Variants in LIPM observed in about 807,000 individuals in gnomAD.
LIPM encodes lipase family member M, also known as lipase member M.
In LIPM, 42 loss-of-function variants were observed where a neutral mutation model predicts 42.4. The observed-to-expected ratio is 0.99, with a 90% CI of 0.77 to 1.28. LIPM has a LOEUF of 1.28. Ranked by LOEUF, LIPM falls within the 50% of genes most tolerant of loss-of-function variation. The pLI, the probability that LIPM is intolerant of heterozygous loss-of-function variation, is 0.00. For synonymous variants in LIPM, 177 were observed against 173.3 expected (o/e 1.02, Z -0.17); for missense variants, 524 against 520.1 (o/e 1.01, Z -0.07).
At chr10:88,812,531 G>C (rs1174864142) in intron 2 of LIPM, among the ~76,000 whole-genome samples, 1 of 151,862 alleles carries the variant, frequency 6.6e-6, no homozygotes, top group Non-Finnish European at 1.5e-5. Context: ...TTATTTATTT[G>C]TTCATTTATT....
intron 2 of LIPM, 57 bp downstream of exon 2, chr10:88,808,472 C>A: frequency 2.0e-6 from 2 of 1,020,230 alleles, no homozygotes; most frequent in South Asian, 2.8e-5. Context: ...TCACGATTTC[C>A]TTGTGATTTG....
chr10:88,817,224 T>A (rs567290484), intron 7 of LIPM, among the ~76,000 whole-genome samples: 1 of 152,278 alleles, frequency 6.6e-6, no homozygotes, highest in African/African-American at 2.4e-5. Flanking sequence ...CCTCCAACAA[T>A]ACAGTCAAGT....
chr10:88,807,552 T>C (rs1843604336), intron 1 of LIPM, among the ~76,000 whole-genome samples: 1 of 152,216 alleles, frequency 6.6e-6, no homozygotes, highest in Non-Finnish European at 1.5e-5. Flanking sequence ...CTGTATAGAG[T>C]AAGGATTCTT....
chr10:88,815,287 A>C, intron 5 of LIPM, 63 bp downstream of exon 5: 1 of 1,547,504 alleles, frequency 6.5e-7, no homozygotes, highest in Non-Finnish European at 8.7e-7. Flanking sequence ...AATTTCCTAA[A>C]ACATAAACTT....
rs553322440 is a variant in LIPM, at chr10:88,813,395, G to C, written c.464+100G>C. 711 of 954,946 alleles carry C rather than the reference G, an allele frequency of 7.4e-4. 3 individuals are homozygous for C. The highest frequency in any genetic ancestry group is 1.8e-3 in the Middle Eastern group (6 of 3,274). 59.2% of individuals were successfully genotyped at this position (954,946 alleles called of 1,614,324 possible). On this transcript the variant is annotated intron_variant, in intron 3 of 8. Coordinates refer to ENST00000404743, the MANE Select transcript of LIPM (RefSeq NM_001128215.1). ...AGTATTTGGTTGATTTATTTTGGTT[G>C]AGTCATCATTATCTTAACATGATAT... is the stretch of plus-strand genomic sequence containing the variant.
Position 88,813,255 on chromosome 10 carries a change from A to G in LIPM, c.424A>G (p.Lys142Glu), listed in dbSNP as rs371268545. 44 of 1,612,090 alleles carry G rather than the reference A, an allele frequency of 2.7e-5. No homozygotes were observed. The African/African-American group carries it at 5.9e-4, about 22-fold the overall frequency. Reference protein sequence around the residue: ...SRGNAWSRKHKTLSIDQDEFW... With the variant: ...SRGNAWSRKHETLSIDQDEFW... ...GGGAAACGCCTGGTCTCGAAAACAC[A>G]AGACACTCTCCATAGACCAAGATGA... The change falls in exon 3 of 9, where the codon AAG (lysine) becomes GAG (glutamate). Residue 142 changes from lysine to glutamate, a missense_variant. Physicochemically the swap from Lys to Glu is moderately conservative, Grantham distance 56. Coordinates refer to ENST00000404743, the MANE Select transcript of LIPM (RefSeq NM_001128215.1).
intron 1 of LIPM, among the ~76,000 whole-genome samples, chr10:88,806,903 A>G (rs903875994): frequency 3.9e-5 from 6 of 151,932 alleles, no homozygotes; most frequent in African/African-American, 1.5e-4. Context: ...GTTGGCCAGG[A>G]TGGTCTCGAT....
At chr10:88,808,714 A>G (rs980114733) in intron 2 of LIPM, among the ~76,000 whole-genome samples, 1 of 152,138 alleles carries the variant, frequency 6.6e-6, no homozygotes, top group African/African-American at 2.4e-5. Context: ...TCCTATGTAG[A>G]CATTCTAAAA....
At chr10:88,809,743 G>T (rs2133053837) in intron 2 of LIPM, among the ~76,000 whole-genome samples, 1 of 152,286 alleles carries the variant, frequency 6.6e-6, no homozygotes, top group South Asian at 2.1e-4. Flanking sequence ...TTGGGGTTCT[G>T]TTTTACTCCA....
At chr10:88,818,082 T>A (rs922734948) in intron 8 of LIPM, among the ~76,000 whole-genome samples, 186 bp downstream of exon 8, 2 of 152,170 alleles carry the variant, frequency 1.3e-5, no homozygotes, top group African/African-American at 4.8e-5. Context: ...CCTCTCTGCT[T>A]TTACAATGGA....
intron 8 of LIPM, among the ~76,000 whole-genome samples, chr10:88,819,008 C>T (rs1292510244): frequency 6.6e-6 from 1 of 152,096 alleles, no homozygotes; most frequent in Non-Finnish European, 1.5e-5. Flanking sequence ...TTGCCTCAGC[C>T]TCCCGAGTAG....
chr10:88,820,356 T>C lies in LIPM; in HGVS notation c.1127T>C (p.Ile376Thr). The C allele has an allele frequency of 3.2e-6, 5 of 1,552,322 alleles. No homozygotes were observed. Among genetic ancestry groups the C allele is most frequent in the South Asian group, 1.2e-5 (1 of 84,054 alleles). ...KMLLSEVTNL[I>T]YHKNIPEWAH... ...CTGCTCTCTGAGGTGACCAACCTCA[T>C]CTACCATAAGAATATTCCTGAATGG... The change falls in exon 9 of 9, where the codon ATC (isoleucine) becomes ACC (threonine). Residue 376 changes from isoleucine (I) to threonine (T), a missense_variant. Coordinates refer to ENST00000404743, the MANE Select transcript of LIPM (RefSeq NM_001128215.1).
At position 88,813,185 on chromosome 10, in the gene LIPM, C is replaced by A. The variant is rs756596969; in HGVS notation, c.354C>A (p.Phe118Leu). 8 of 1,613,610 alleles carry A rather than the reference C, an allele frequency of 5.0e-6. No individual in the cohort carries two copies. The highest frequency in any genetic ancestry group is 6.8e-6 in the Non-Finnish European group (8 of 1,179,840). ...ISNLPNNSLGFILADAGFDVW... is the reference protein window; with the variant it reads ...ISNLPNNSLGLILADAGFDVW... ...ACCTGCCCAACAATAGCCTGGGCTT[C>A]ATTCTGGCAGATGCTGGTTTTGACG... Residue 118 changes from phenylalanine (F) to leucine (L), a missense_variant, in exon 3 of 9, where the codon TTC becomes TTA. Physicochemically the swap from Phe to Leu is conservative, Grantham distance 22 (BLOSUM62 0). Coordinates refer to ENST00000404743, the MANE Select transcript of LIPM (RefSeq NM_001128215.1).
chr10:88,806,643 C>G (rs4933486), intron 1 of LIPM, among the ~76,000 whole-genome samples: 1 of 151,834 alleles, frequency 6.6e-6, no homozygotes, highest in Non-Finnish European at 1.5e-5. Flanking sequence ...TTTAACAAAC[C>G]CTCTAAGTAA....
At position 88,810,532 on chromosome 10, in the gene LIPM, C is replaced by G. The variant is rs576013944; in HGVS notation, c.265+2117C>G. ...TATCAAAAAAAAAAAAAAAATTCAC[C>G]AACCAAGAAAGCCAGTGAAATTCTT... On this transcript the variant is annotated intron_variant, in intron 2 of 8. Transcript: ENST00000404743. Among the ~76,000 whole-genome samples the G allele has an allele frequency of 2.6e-5, 4 of 151,734 alleles. 1 individual carries two copies. The highest frequency in any genetic ancestry group is 9.7e-5 in the African/African-American group (4 of 41,320).
In LIPM at chr10:88,814,611, T is replaced by G; in HGVS notation, c.546T>G (p.Tyr182Ter). ...AAACGGGCCAGGAAAAGATCTATTA[T>G]GTCGGCTATTCACAGGGCACCACCA... ...LQKTGQEKIY[Y>*]VGYSQGTTMG... is the part of the protein sequence containing the mutation. Residue 182 changes from tyrosine (Y) to a stop codon, truncating the protein, a stop_gained, in exon 4 of 9, where the codon TAT (tyrosine) becomes TAG (stop). Transcript: ENST00000404743. LOFTEE classifies it high-confidence loss of function. The G allele has an allele frequency of 6.4e-7, 1 of 1,552,018 alleles. No homozygotes were observed.
rs1218252509 is a variant in LIPM, at chr10:88,817,834, T to C, written c.940T>C (p.Ser314Pro). ...NILHWSQAVN[S>P]GELRAFDWGS... ...TTTTGTCTCCTTTTAGGCAGTGAAT[T>C]CTGGTGAACTCCGGGCATTTGACTG... Residue 314 changes from serine to proline, a missense_variant, in exon 8 of 9, where the codon TCT (serine) becomes CCT (proline). By Grantham distance (74) the Ser-to-Pro change is moderately conservative. Coordinates refer to ENST00000404743, the MANE Select transcript of LIPM (RefSeq NM_001128215.1). 1.8e-5 allele frequency: 28 copies of C among 1,551,330 alleles called. No individual in the cohort carries two copies. The highest frequency in any genetic ancestry group is 2.4e-5 in the Non-Finnish European group (27 of 1,146,720).
Position 88,817,835 on chromosome 10 carries a change from C to T in LIPM, c.941C>T (p.Ser314Phe), listed in dbSNP as rs1368400640. ...TTTGTCTCCTTTTAGGCAGTGAATT[C>T]TGGTGAACTCCGGGCATTTGACTGG... ...NILHWSQAVNSGELRAFDWGS... is the reference protein window; with the variant it reads ...NILHWSQAVNFGELRAFDWGS... The change falls in exon 8 of 9, where the codon TCT (serine) becomes TTT (phenylalanine). Residue 314 changes from serine to phenylalanine, a missense_variant. Ser to Phe is a radical substitution (Grantham distance 155). Coordinates refer to ENST00000404743, the MANE Select transcript of LIPM (RefSeq NM_001128215.1). The T allele has an allele frequency of 1.3e-6, 2 of 1,551,268 alleles. No homozygotes were observed. Among genetic ancestry groups the T allele is most frequent in the Non-Finnish European group, 8.7e-7 (1 of 1,146,716 alleles).
At chr10:88,808,216 A>C (rs553332536) in intron 1 of LIPM, 82 bp from the exon 2 acceptor site, 1 of 772,124 alleles carries the variant, frequency 1.3e-6, no homozygotes, top group East Asian at 2.7e-5. Context: ...TTACAGCATC[A>C]AGGAATCTAC....
Sources: gnomAD v4.1 joint callset for allele counts (sites outside exome capture counted in the v4.1 genomes callset) on GRCh38, gnomAD v4.1.1 for gene constraint, MANE v1.5 for transcripts, NCBI Gene and HGNC (gene_info 2026-07-23, HGNC 2026-07-21) for gene names.